Variants in FARP2 observed in about 807,000 individuals in gnomAD.
The protein encoded by FARP2 is FERM, ARHGEF and pleckstrin domain-containing protein 2.
A neutral mutation model predicts 130.5 loss-of-function variants in FARP2; 111 were observed. That is an observed-to-expected ratio of 0.85 (90% CI 0.73 to 1.00). The LOEUF is 1.00. Ranked by LOEUF, FARP2 falls within the 50% of genes least tolerant of loss-of-function variation. The probability of loss-of-function intolerance (pLI) is 0.00; values close to 1 mark genes in which losing one functional copy is unlikely to be tolerated. For missense variants in FARP2, 1,385 were observed against 1,346.3 expected (o/e 1.03, Z -0.45); for synonymous variants, 504 against 516.9 (o/e 0.98, Z 0.34).
intron 8 of FARP2, 54 bp downstream of exon 8, chr2:241,418,163 A>G (rs1229389262): frequency 2.5e-6 from 4 of 1,594,962 alleles, no homozygotes; most frequent in Admixed American, 1.7e-5. Flanking sequence ...GTTTTCTGCA[A>G]CCTGGTGGGG....
At chr2:241,410,954 C>G in intron 5 of FARP2, 79 bp from the exon 6 acceptor site, 1 of 1,008,086 alleles carries the variant, frequency 9.9e-7, no homozygotes, top group Non-Finnish European at 1.5e-6. Context: ...CATTTGCTGT[C>G]TTGCTGTGGA....
intron 16 of FARP2, 159 bp downstream of exon 16, chr2:241,463,627 C>T: frequency 1.3e-6 from 1 of 780,952 alleles, no homozygotes; most frequent in East Asian, 2.7e-5. Flanking sequence ...GTAATAATAC[C>T]CTTTATTCAC....
At chr2:241,368,692 A>C (rs1021816862) in intron 1 of FARP2, among the ~76,000 whole-genome samples, 2 of 151,976 alleles carry the variant, frequency 1.3e-5, no homozygotes, top group Admixed American at 6.6e-5. Flanking sequence ...GGCTGGTTTC[A>C]AACTGCTATT....
chr2:241,425,634 T>TAAAAAAA (rs1167925220), intron 8 of FARP2, among the ~76,000 whole-genome samples: 1 of 45,956 alleles, frequency 2.2e-5, no homozygotes, highest in African/African-American at 8.9e-5. Flanking sequence ...TCCTACCAAG[T>TAAAAAAA]AAAAAAAAAA....
intron 1 of FARP2, among the ~76,000 whole-genome samples, chr2:241,367,149 C>G (rs534358900): frequency 6.6e-6 from 1 of 152,234 alleles, no homozygotes; most frequent in African/African-American, 2.4e-5. Flanking sequence ...GAAGCGCCTG[C>G]TGGAGAAGTG....
intron 1 of FARP2, among the ~76,000 whole-genome samples, chr2:241,356,967 G>A (rs1254657797): frequency 6.6e-6 from 1 of 152,274 alleles, no homozygotes; most frequent in African/African-American, 2.4e-5. Context: ...TCATAAGCCA[G>A]TGGGTAGCCT....
At chr2:241,472,995 T>C (rs1281338054) in intron 18 of FARP2, among the ~76,000 whole-genome samples, 2 of 151,294 alleles carry the variant, frequency 1.3e-5, no homozygotes. Context: ...GACCCTGTTC[T>C]GAGGGGGCTG....
rs1356874624 is a variant in FARP2 at position 241,441,556 on chromosome 2, G to A, written c.1411G>A (p.Gly471Ser). ...LGPPALQPGP[G>S]LSTKSPQPSP... ...GCCCCCCGCACTCCAGCCTGGTCCA[G>A]GTGTCGGGTTTTGTCATGTCGTGAG... Residue 471 changes from glycine to serine, a missense_variant and splice_region_variant, in exon 13 of 27, where the codon GGC (glycine) becomes AGC (serine). Coordinates refer to ENST00000264042, the MANE Select transcript of FARP2 (RefSeq NM_014808.4). 1.2e-6 allele frequency: 2 copies of A among 1,614,066 alleles called. No individual in the cohort carries two copies. The highest frequency in any genetic ancestry group is 1.7e-5 in the Admixed American group (1 of 60,028).
rs535559544 is a variant in FARP2, at chr2:241,459,682, C to T, written c.1587+2760C>T. 2.8e-4 allele frequency among the ~76,000 whole-genome samples: 42 copies of T among 152,312 alleles called. No homozygotes were observed. Among genetic ancestry groups the T allele is most frequent in the African/African-American group, 9.1e-4 (38 of 41,574 alleles). The stretch of plus-strand genomic sequence containing the variant: ...ATGCTCCTCTGGGCCTATCCCTGGC[C>T]GCCGTCTCATCCCTGGCCTGCAGCC... On this transcript the variant is annotated intron_variant, in intron 14 of 26. Transcript: ENST00000264042. This position sits in a 1 kb window ranked among gnomAD's most constrained non-coding sequence, Gnocchi z 5.3.
rs765797089 is a variant in FARP2 at position 241,462,629 on chromosome 2, T to A, written c.1677+17T>A. The A allele has an allele frequency of 1.0e-5, 15 of 1,476,268 alleles. No homozygotes were observed. In the South Asian group the frequency reaches 1.6e-4, roughly 16 times the overall value. 91.4% of individuals were successfully genotyped at this position (1,476,268 alleles called of 1,614,324 possible). ...ATTACCGTGGTACGAAAGTCCTTGATTACTTTGATTTTTTTTTAAAATAAA... is the reference window on the plus strand; with the variant it reads ...ATTACCGTGGTACGAAAGTCCTTGAATACTTTGATTTTTTTTTAAAATAAA... On this transcript the variant is annotated intron_variant, in intron 15 of 26. Coordinates refer to ENST00000264042, the MANE Select transcript of FARP2 (RefSeq NM_014808.4).
intron 26 of FARP2, 21 bp from the exon 27 acceptor site, chr2:241,493,987 G>C: frequency 7.4e-7 from 1 of 1,354,922 alleles, no homozygotes; most frequent in Admixed American, 2.9e-5. Flanking sequence ...TCACTGGTCT[G>C]ATGGCCGCCC....
Position 241,491,111 on chromosome 2 carries a change from A to G in FARP2, c.2555A>G (p.Gln852Arg). ...KWMLDLNSAI[Q>R]AAKSGGDTAP... ...ATGCTGGACCTGAACTCCGCGATCCAAGCAGCCAAGAGTGGCGGTGACACG... is the reference window on the plus strand; with the variant it reads ...ATGCTGGACCTGAACTCCGCGATCCGAGCAGCCAAGAGTGGCGGTGACACG... The change falls in exon 23 of 27, where the codon CAA becomes CGA. Residue 852 changes from glutamine (Q) to arginine (R), a missense_variant. By Grantham distance (43) the Gln-to-Arg change is conservative (BLOSUM62 1). Coordinates refer to ENST00000264042, the MANE Select transcript of FARP2 (RefSeq NM_014808.4). 6.2e-7 allele frequency: 1 copy of G among 1,613,518 alleles called. No individual in the cohort carries two copies. Among genetic ancestry groups the G allele is most frequent in the African/African-American group, 1.3e-5 (1 of 75,040 alleles).
rs759982790 is a variant in FARP2, at chr2:241,475,947, G to A, written c.2222G>A (p.Arg741Gln). The change falls in exon 19 of 27, where the codon CGG becomes CAG. Residue 741 changes from arginine (R) to glutamine (Q), a missense_variant. Transcript: ENST00000264042. This position sits in a 1 kb window ranked among gnomAD's most constrained non-coding sequence, Gnocchi z 4.4. ...ENLQKLTELQ[R>Q]DLVGIENLIA... ...CTGCAGAAGCTAACGGAGCTGCAGC[G>A]GGACCTGGTGGGCATAGAGAACCTC... 46 of 1,613,918 alleles carry A rather than the reference G, an allele frequency of 2.9e-5. No homozygotes were observed. The highest frequency in any genetic ancestry group is 4.4e-5 in the South Asian group (4 of 91,072).
Position 241,434,206 on chromosome 2 carries a change from T to C in FARP2, c.916T>C (p.Cys306Arg). 1.2e-6 allele frequency: 2 copies of C among 1,613,928 alleles called. No homozygotes were observed. Among genetic ancestry groups the C allele is most frequent in the South Asian group, 2.2e-5 (2 of 91,044 alleles). The change falls in exon 10 of 27, where the codon TGT (cysteine) becomes CGT (arginine). Residue 306 changes from cysteine (C) to arginine (R), a missense_variant. Transcript: ENST00000264042. ...LEFLLGSRDE[C>R]KNFWKICVEY... ...ATTTTTGTTGGGTAGTAGAGATGAA[T>C]GTAAGAACTTCTGGAAGATTTGTGT...
At chr2:241,474,664 C>T (rs939975633) in intron 18 of FARP2, among the ~76,000 whole-genome samples, 8 of 150,958 alleles carry the variant, frequency 5.3e-5, no homozygotes, top group Non-Finnish European at 1.0e-4. Flanking sequence ...TTGTGGCGGG[C>T]ATCTGTAGTC....
chr2:241,420,945 G>T (rs969771711), intron 8 of FARP2, among the ~76,000 whole-genome samples: 1 of 152,176 alleles, frequency 6.6e-6, no homozygotes, highest in African/African-American at 2.4e-5. Context: ...AAGAAAAGGG[G>T]TGAGTGGATT....
intron 4 of FARP2, among the ~76,000 whole-genome samples, chr2:241,407,224 C>A: frequency 6.6e-6 from 1 of 151,968 alleles, no homozygotes; most frequent in East Asian, 1.9e-4. Flanking sequence ...GGAAATGCTT[C>A]TTTGTTTTTT....
At chr2:241,428,164 G>C (rs992788229) in intron 8 of FARP2, among the ~76,000 whole-genome samples, 1 of 151,172 alleles carries the variant, frequency 6.6e-6, no homozygotes, top group Admixed American at 6.6e-5. Context: ...GTTTTGTTTT[G>C]CTTTGTTTTT....
chr2:241,402,547 A>G (rs893150706), intron 2 of FARP2, among the ~76,000 whole-genome samples: 6 of 151,982 alleles, frequency 3.9e-5, no homozygotes, highest in Non-Finnish European at 8.8e-5. Context: ...CCTTTTTGCT[A>G]TGCTTAGGAA....
Sources: gnomAD v4.1 joint callset for allele counts (sites outside exome capture counted in the v4.1 genomes callset) on GRCh38, gnomAD v4.1.1 for gene constraint, Gnocchi (gnomAD v3.1) non-coding constraint, MANE v1.5 for transcripts, NCBI Gene and HGNC (gene_info 2026-07-23, HGNC 2026-07-21) for gene names.